Variants in LPP observed in about 807,000 individuals in gnomAD.
LPP encodes lipoma-preferred partner.
In LPP, 38 loss-of-function variants were observed where a neutral mutation model predicts 60.4. The ratio of observed to expected loss-of-function variants is 0.63; its 90% CI spans 0.49 to 0.83. LPP has a LOEUF of 0.83. Among genes scored for constraint, LPP ranks in the 40% least tolerant of loss-of-function variants. The pLI is 0.00. For missense variants in LPP, 902 were observed against 783.6 expected (o/e 1.15, Z -1.80); for synonymous variants, 328 against 290.8 (o/e 1.13, Z -1.30).
chr3:188,160,281 G>A (rs530247926), intron 1 of LPP, among the ~76,000 whole-genome samples: 6 of 150,812 alleles, frequency 4.0e-5, no homozygotes, highest in South Asian at 2.1e-4. Context: ...TGCAACCTCC[G>A]CCTCCCAGGT....
rs899857500 is a variant in LPP at position 188,879,734 on chromosome 3, G to A, written c.*5255G>A. The A allele has an allele frequency of 1.7e-5, 3 of 180,952 alleles. No individual in the cohort carries two copies. Among genetic ancestry groups the A allele is most frequent in the Non-Finnish European group, 3.5e-5 (3 of 84,820 alleles). 11.2% of individuals were successfully genotyped at this position (180,952 alleles called of 1,614,324 possible). ...CTTGATAACTTTCCTTATAGCAAAG[G>A]AATAACTATTGTATTTTCAGAATTT... On this transcript the variant is annotated 3_prime_UTR_variant, in exon 12 of 12. Coordinates refer to ENST00000617246, the MANE Select transcript of LPP (RefSeq NM_001375462.1).
intron 9 of LPP, among the ~76,000 whole-genome samples, chr3:188,828,254 G>A (rs890100459): frequency 6.6e-6 from 1 of 152,044 alleles, no homozygotes; most frequent in Non-Finnish European, 1.5e-5. Context: ...GGAAAAGGGA[G>A]TGCTGGGGGA....
chr3:188,370,803 A>T (rs1772815667), intron 3 of LPP, among the ~76,000 whole-genome samples: 1 of 152,194 alleles, frequency 6.6e-6, no homozygotes, highest in Non-Finnish European at 1.5e-5. Context: ...ACCTGTTTCA[A>T]GCTGTGGCTC....
chr3:188,884,064 G>C lies in LPP; in HGVS notation c.*9585G>C. On this transcript the variant is annotated 3_prime_UTR_variant, in exon 12 of 12. Coordinates refer to ENST00000617246, the MANE Select transcript of LPP (RefSeq NM_001375462.1). The stretch of plus-strand genomic sequence containing the variant: ...AAGCAGAAACTGCCATCAGTCTCCT[G>C]GGCAGGACCTGGAGGTAACTTTCTG... 1 of 222,982 alleles carries C rather than the reference G, an allele frequency of 4.5e-6. No individual in the cohort carries two copies. Among genetic ancestry groups the C allele is most frequent in the East Asian group, 6.5e-5 (1 of 15,270 alleles). 13.8% of individuals were successfully genotyped at this position (222,982 alleles called of 1,614,324 possible). A position where few individuals can be genotyped will look rare whatever the true frequency, so the allele number is the denominator to read the frequency against.
At chr3:188,561,185 G>A (rs781381489) in intron 6 of LPP, among the ~76,000 whole-genome samples, 10 of 152,026 alleles carry the variant, frequency 6.6e-5, no homozygotes, top group Non-Finnish European at 1.3e-4. Flanking sequence ...TAATATACTT[G>A]TAACTTTAAA....
chr3:188,700,456 C>T (rs1864175891), intron 7 of LPP, among the ~76,000 whole-genome samples: 1 of 152,136 alleles, frequency 6.6e-6, no homozygotes, highest in Non-Finnish European at 1.5e-5. Context: ...AACAAAGATG[C>T]AAGATGGTGT....
At chr3:188,740,346 G>A (rs1723977449) in intron 8 of LPP, among the ~76,000 whole-genome samples, 1 of 152,056 alleles carries the variant, frequency 6.6e-6, no homozygotes, top group African/African-American at 2.4e-5. Flanking sequence ...CAAGAAAGTA[G>A]TGTGTTTTAT....
At chr3:188,458,415 ATC>A (rs1798249065) in intron 4 of LPP, among the ~76,000 whole-genome samples, 1 of 152,330 alleles carries the variant, frequency 6.6e-6, no homozygotes. Flanking sequence ...GAGATGCATT[ATC>A]TTTCTTAGCC....
chr3:188,425,996 T>G (rs886682583), intron 4 of LPP, among the ~76,000 whole-genome samples: 1 of 152,216 alleles, frequency 6.6e-6, no homozygotes, highest in African/African-American at 2.4e-5. Context: ...TCTGCTAGCT[T>G]TTGAATTTGT....
chr3:188,823,810 T>A (rs1043315630), intron 9 of LPP, among the ~76,000 whole-genome samples: 4 of 152,108 alleles, frequency 2.6e-5, no homozygotes, highest in African/African-American at 9.7e-5. Context: ...AGTGTATACG[T>A]TTCTTAATGT....
At chr3:188,772,516 A>G (rs1736379572) in intron 9 of LPP, among the ~76,000 whole-genome samples, 1 of 150,620 alleles carries the variant, frequency 6.6e-6, no homozygotes, top group African/African-American at 2.4e-5. Flanking sequence ...TTTTTTTGAG[A>G]CAGAGTCTCA....
intron 9 of LPP, among the ~76,000 whole-genome samples, chr3:188,828,225 G>C (rs1756110238): frequency 6.6e-6 from 1 of 151,992 alleles, no homozygotes; most frequent in African/African-American, 2.4e-5. Context: ...TACATGCTGG[G>C]AGAGAAATAA....
intron 1 of LPP, among the ~76,000 whole-genome samples, chr3:188,201,990 A>G (rs1276659303): frequency 6.6e-6 from 1 of 151,858 alleles, no homozygotes; most frequent in Non-Finnish European, 1.5e-5. Context: ...TAGTTTAAAT[A>G]AAGCAAAGAA....
At chr3:188,606,610 T>C (rs1842428470) in intron 6 of LPP, among the ~76,000 whole-genome samples, 1 of 152,156 alleles carries the variant, frequency 6.6e-6, no homozygotes, top group Non-Finnish European at 1.5e-5. Context: ...GTCCCAATAG[T>C]ACTAAATAGA....
intron 4 of LPP, among the ~76,000 whole-genome samples, chr3:188,437,252 A>G (rs945969787): frequency 1.3e-5 from 2 of 152,222 alleles, no homozygotes; most frequent in Non-Finnish European, 2.9e-5. Context: ...CTAGGAGGAT[A>G]CTAGAGCTTC....
chr3:188,731,516 T>TTTTTGTTTTTTTTG (rs1553817762), intron 8 of LPP, among the ~76,000 whole-genome samples: 5 of 145,818 alleles, frequency 3.4e-5, no homozygotes, highest in African/African-American at 5.1e-5. Context: ...TTTTTTGTTT[T>TTTTTGTTTTTTTTG]TTTTGTTTTG....
chr3:188,815,163 C>T (rs1363358959), intron 9 of LPP, among the ~76,000 whole-genome samples: 1 of 152,194 alleles, frequency 6.6e-6, no homozygotes, highest in African/African-American at 2.4e-5. Context: ...CCTAACACTT[C>T]ACTGTAGTAT....
Position 188,631,260 on chromosome 3 carries a change from A to T in LPP, c.1113+21416A>T, listed in dbSNP as rs142244019. On this transcript the variant is annotated intron_variant, in intron 7 of 11. Transcript: ENST00000617246. ...GCCTGAGTGATAAACATTTTTTATT[A>T]TTATAGTTTTTAAAAGTTTGGAAAA... Among the ~76,000 whole-genome samples, 3 of 152,324 alleles carry T rather than the reference A, an allele frequency of 2.0e-5. No homozygotes were observed. The East Asian group carries it at 5.8e-4, about 29-fold the overall frequency.
At chr3:188,285,255 T>G (rs1293073852) in intron 2 of LPP, among the ~76,000 whole-genome samples, 2 of 152,204 alleles carry the variant, frequency 1.3e-5, no homozygotes, top group Non-Finnish European at 2.9e-5. Flanking sequence ...GTATACAGAC[T>G]TGGATTCTGT....
Sources: gnomAD v4.1 joint callset for allele counts (sites outside exome capture counted in the v4.1 genomes callset) on GRCh38, gnomAD v4.1.1 for gene constraint, MANE v1.5 for transcripts, NCBI Gene and HGNC (gene_info 2026-07-23, HGNC 2026-07-21) for gene names.